The following ZNG1F variants were observed in gnomAD, a reference collection of about 807,000 sequenced individuals.
The protein encoded by ZNG1F is zinc-regulated GTPase metalloprotein activator 1F.
At chr9:41,193,738 A>G in the ZNG1F span, among the ~76,000 whole-genome samples, 1 of 151,960 alleles carries the variant, frequency 6.6e-6, no homozygotes, top group Admixed American at 6.6e-5. Flanking sequence ...CATCTATACT[A>G]AAAATACAAA....
chr9:41,139,696 G>T, the ZNG1F span, among the ~76,000 whole-genome samples: 2 of 151,770 alleles, frequency 1.3e-5, no homozygotes, highest in Non-Finnish European at 2.9e-5. Context: ...TGTCACAGCA[G>T]CCAAGACACT....
At chr9:41,197,777 T>C in the ZNG1F span, among the ~76,000 whole-genome samples, 2 of 129,286 alleles carry the variant, frequency 1.5e-5, no homozygotes, top group Non-Finnish European at 3.3e-5. Flanking sequence ...ATTAAATTAG[T>C]TTACTTCAGT....
At chr9:41,142,295 CA>C in the ZNG1F span, 23 of 176,466 alleles carry the variant, frequency 1.3e-4, no homozygotes, top group Non-Finnish European at 1.7e-4. Context: ...TTCTTCCTGT[CA>C]AAAAAAATCC....
At chr9:41,154,731 C>A in the ZNG1F span, among the ~76,000 whole-genome samples, 13 of 149,716 alleles carry the variant, frequency 8.7e-5, 1 homozygote, top group Admixed American at 2.0e-4. Flanking sequence ...CTTTGACAAA[C>A]CTGAGAAAAA....
chr9:41,199,811 C>T, the ZNG1F span, among the ~76,000 whole-genome samples: 101 of 151,920 alleles, frequency 6.6e-4, no homozygotes, highest in Admixed American at 8.5e-4. Flanking sequence ...CTTCTGTGCA[C>T]CCGCAGGCTC....
chr9:41,201,037 AC>A, the ZNG1F span, among the ~76,000 whole-genome samples: 4 of 145,442 alleles, frequency 2.8e-5, no homozygotes, highest in Non-Finnish European at 3.0e-5. Context: ...GTATATGCAT[AC>A]ATGTGCATGC....
chr9:41,193,598 A>G, the ZNG1F span, among the ~76,000 whole-genome samples: 3 of 147,962 alleles, frequency 2.0e-5, no homozygotes, highest in African/African-American at 7.4e-5. Flanking sequence ...ACAACAGATT[A>G]CTTACAAAAA....
the ZNG1F span, chr9:41,157,436 C>T: frequency 2.1e-5 from 3 of 140,190 alleles, no homozygotes; most frequent in African/African-American, 5.5e-5. Context: ...TGCACTCCAG[C>T]CTGGCACAGA....
the ZNG1F span, among the ~76,000 whole-genome samples, chr9:41,187,605 C>T: frequency 1.3e-5 from 2 of 149,532 alleles, no homozygotes; most frequent in Non-Finnish European, 1.5e-5. Flanking sequence ...TTAAGGCTAA[C>T]ATGCAACTAA....
At chr9:41,173,460 TA>T in the ZNG1F span, among the ~76,000 whole-genome samples, 2 of 146,314 alleles carry the variant, frequency 1.4e-5, no homozygotes, top group Non-Finnish European at 3.0e-5. Context: ...GACTGGTTTT[TA>T]AAAAGGTGAA....
the ZNG1F span, chr9:41,165,111 T>C: frequency 2.6e-6 from 4 of 1,555,988 alleles, no homozygotes; most frequent in Middle Eastern, 1.9e-4. Context: ...CAAAAAGAAA[T>C]GTTAAGAAAT....
At chr9:41,183,905 A>G in the ZNG1F span, among the ~76,000 whole-genome samples, 1 of 147,804 alleles carries the variant, frequency 6.8e-6, no homozygotes, top group South Asian at 2.2e-4. Context: ...TGATAAACAT[A>G]CCTACTTCCT....
At chr9:41,148,865 TA>T in the ZNG1F span, among the ~76,000 whole-genome samples, 1 of 99,030 alleles carries the variant, frequency 1.0e-5, no homozygotes, top group Non-Finnish European at 1.9e-5. Flanking sequence ...AAAAAAAAAC[TA>T]GTTGAAAGTA....
the ZNG1F span, among the ~76,000 whole-genome samples, chr9:41,185,047 T>C: frequency 1.1e-4 from 15 of 137,560 alleles, no homozygotes; most frequent in African/African-American, 3.5e-4. Flanking sequence ...AATCGTCTAA[T>C]AGATATTGTT....
chr9:41,160,772 AT>A, the ZNG1F span: 1 of 904,446 alleles, frequency 1.1e-6, no homozygotes, highest in Non-Finnish European at 1.3e-6. Context: ...GCCTCAAGGA[AT>A]TTGAGAGAAT....
the ZNG1F span, chr9:41,171,955 A>G: frequency 1.8e-5 from 3 of 168,884 alleles, no homozygotes; most frequent in Non-Finnish European, 3.1e-5. Flanking sequence ...GAGAAACATC[A>G]TTTTACTGTA....
the ZNG1F span, among the ~76,000 whole-genome samples, chr9:41,199,820 T>C: frequency 6.6e-6 from 1 of 152,014 alleles, no homozygotes. Flanking sequence ...ACCCGCAGGC[T>C]CAAAGCCATG....
chr9:41,141,058 A>T, the ZNG1F span, among the ~76,000 whole-genome samples: 1 of 150,774 alleles, frequency 6.6e-6, no homozygotes, highest in Non-Finnish European at 1.5e-5. Context: ...TTTGCTTTTA[A>T]CAGGTTAAAT....
chr9:41,175,416 C>A, the ZNG1F span, among the ~76,000 whole-genome samples: 1 of 147,564 alleles, frequency 6.8e-6, no homozygotes, highest in Non-Finnish European at 1.5e-5. Context: ...AATTATTTAA[C>A]TTAGAACTGG....
Sources: allele counts gnomAD v4.1 joint callset (sites outside exome capture counted in the v4.1 genomes callset), GRCh38; gene constraint gnomAD v4.1.1; transcripts MANE v1.5; gene names NCBI Gene and HGNC (gene_info 2026-07-23, HGNC 2026-07-21).